Variants in ABCG1 observed in about 807,000 individuals in gnomAD.
ABCG1 encodes the protein ATP-binding cassette sub-family G member 1.
ABCG1 carries 29 observed loss-of-function variants against 69.2 expected under a neutral mutation model. The ratio of observed to expected loss-of-function variants is 0.42; its 90% confidence interval spans 0.31 to 0.57. ABCG1 has a LOEUF of 0.57. ABCG1 is among the 20% of genes least tolerant of loss of function. The pLI is 0.15. For missense variants in ABCG1, 718 were observed against 898.1 expected (o/e 0.80, Z 2.56); for synonymous variants, 370 against 374.8 (o/e 0.99, Z 0.15).
In ABCG1 at chr21:42,276,824, TGCG is replaced by T; in HGVS notation, c.538-69_538-67del. ...TGGCTAGCTGCACCGTGGCCTGCAG[TGCG>T]GGCATGAGGCTCACACTGCCAGTGG... On this transcript the variant is annotated intron_variant, in intron 4 of 14. Transcript: ENST00000398449. The surrounding 1 kb of genome is among the most constrained non-coding windows in gnomAD (Gnocchi z 5.3). 2 of 1,531,078 alleles carry T rather than the reference TGCG, an allele frequency of 1.3e-6. No individual in the cohort carries two copies. Among genetic ancestry groups the T allele is most frequent in the Non-Finnish European group, 9.0e-7 (1 of 1,107,152 alleles). The allele number at this position is 1,531,078 out of a possible 1,614,324, so 94.8% of individuals were successfully genotyped here.
intron 2 of ABCG1, among the ~76,000 whole-genome samples, chr21:42,255,368 A>G (rs2068286389): frequency 6.6e-6 from 1 of 152,100 alleles, no homozygotes. Context: ...TGTGCACATG[A>G]TGCACATGTG....
At chr21:42,216,861 T>C (rs188307810), upstream of ABCG1, among the ~76,000 whole-genome samples, 14 of 152,316 alleles carry the variant, frequency 9.2e-5, no homozygotes, top group East Asian at 2.3e-3. Context: ...TACAGTGGGA[T>C]GCTTACTCGG....
Position 42,219,887 on chromosome 21 carries a change from C to T in ABCG1, c.42+583C>T, listed in dbSNP as rs1011174626. The T allele has an allele frequency of 2.6e-6, 4 of 1,544,300 alleles. No homozygotes were observed. In the South Asian group the frequency reaches 3.6e-5, roughly 14 times the overall value. On this transcript the variant is annotated intron_variant, in intron 1 of 14. Coordinates refer to ENST00000398449, the MANE Select transcript of ABCG1 (RefSeq NM_016818.3). The surrounding 1 kb of genome is among the most constrained non-coding windows in gnomAD (Gnocchi z 5.3). ...ACTCGGGGAGGCGGCGGCGAAGGCC[C>T]GGGGAGACCCGCGAGGGGCAAGCCC...
chr21:42,222,083 G>A (rs1475838412), intron 1 of ABCG1, among the ~76,000 whole-genome samples: 1 of 152,182 alleles, frequency 6.6e-6, no homozygotes, highest in African/African-American at 2.4e-5. Flanking sequence ...AGCACAAATC[G>A]TATGTGGCCC....
rs200593379 is a variant in ABCG1, at chr21:42,273,408, G to T, written c.510G>T (p.Pro170=). The stretch of plus-strand genomic sequence containing the variant: ...TCATGCAGGATGACATGCTGCTGCC[G>T]CATCTCACTGTGCAGGAGGCCATGA... ...CYIMQDDMLL[P]HLTVQEAMMV... Residue 170 remains proline (P), a synonymous_variant, in exon 4 of 15, where the codon CCG becomes CCT. Transcript: ENST00000398449. This position sits in a 1 kb window ranked among gnomAD's most constrained non-coding sequence, Gnocchi z 5.3. 3 of 1,613,820 alleles carry T rather than the reference G, an allele frequency of 1.9e-6. No individual in the cohort carries two copies. The highest frequency in any genetic ancestry group is 1.3e-5 in the African/African-American group (1 of 75,024).
intron 2 of ABCG1, among the ~76,000 whole-genome samples, chr21:42,252,372 C>G (rs953029867): frequency 6.6e-6 from 1 of 152,056 alleles, no homozygotes; most frequent in Admixed American, 6.5e-5. Context: ...ATTAGAGCAG[C>G]GATAATCGCT....
chr21:42,212,720 T>TTTTA (rs2067600594), upstream of ABCG1, among the ~76,000 whole-genome samples: 1 of 151,800 alleles, frequency 6.6e-6, no homozygotes, highest in Admixed American at 6.6e-5. Flanking sequence ...TTTTTTTTTT[T>TTTTA]TTTTGAGACG....
chr21:42,219,452 G>A lies in ABCG1; in HGVS notation c.42+148G>A. On this transcript the variant is annotated intron_variant, in intron 1 of 14. Transcript: ENST00000398449. The surrounding 1 kb of genome is among the most constrained non-coding windows in gnomAD (Gnocchi z 5.3). ...CCAGGGCACCCTAGAGTGGCGCCCG[G>A]CTCCGATCGCTGCCCCTGCCCCTCC... is the stretch of plus-strand genomic sequence containing the variant. 8.5e-7 allele frequency: 1 copy of A among 1,173,898 alleles called. No homozygotes were observed. Among genetic ancestry groups the A allele is most frequent in the Non-Finnish European group, 1.2e-6 (1 of 868,722 alleles). 72.7% of individuals were successfully genotyped at this position (1,173,898 alleles called of 1,614,324 possible).
At chr21:42,202,869 T>C (rs369275278) in intron 2 of ABCG1, among the ~76,000 whole-genome samples, 9 of 152,280 alleles carry the variant, frequency 5.9e-5, no homozygotes, top group East Asian at 3.9e-4. Context: ...GGCCTCAGCC[T>C]CCCAAAGTGC....
chr21:42,291,047 T>G lies in ABCG1; in HGVS notation c.1394-45T>G. On this transcript the variant is annotated intron_variant, in intron 11 of 14. Coordinates refer to ENST00000398449, the MANE Select transcript of ABCG1 (RefSeq NM_016818.3). The surrounding 1 kb of genome is among the most constrained non-coding windows in gnomAD (Gnocchi z 6.4). ...CTGTTGGGATGTTAAACGGGCTCGCTGCACATGGTCACTGACCCTTCTTTT... is the reference window on the plus strand; with the variant it reads ...CTGTTGGGATGTTAAACGGGCTCGCGGCACATGGTCACTGACCCTTCTTTT... 1 of 1,481,658 alleles carries G rather than the reference T, an allele frequency of 6.7e-7. No homozygotes were observed. Among genetic ancestry groups the G allele is most frequent in the Non-Finnish European group, 9.4e-7 (1 of 1,061,906 alleles). The allele number at this position is 1,481,658 out of a possible 1,614,324, so 91.8% of individuals were successfully genotyped here.
Position 42,243,441 on chromosome 21 carries a change from TGTGCGC to T in ABCG1, c.286+17531_286+17536del, listed in dbSNP as rs769396226. On this transcript the variant is annotated intron_variant, in intron 2 of 14. Transcript: ENST00000398449. Reference sequence around the variant, plus strand: ...CAGAACCATATTTTAATACCGTGTGTGTGCGCGTGTGTGTGTGTGTGTGTGTGTGTG... The same window carrying T: ...CAGAACCATATTTTAATACCGTGTGTGTGTGTGTGTGTGTGTGTGTGTGTG... Among the ~76,000 whole-genome samples, 102 of 107,512 alleles carry T rather than the reference TGTGCGC, an allele frequency of 9.5e-4. 1 individual carries two copies. The highest frequency in any genetic ancestry group is 3.4e-3 in the African/African-American group (89 of 26,538). 70.5% of individuals were successfully genotyped at this position (107,512 alleles called of 152,430 possible).
intron 14 of ABCG1, among the ~76,000 whole-genome samples, chr21:42,295,771 A>AG (rs145283932): frequency 6.6e-6 from 1 of 152,152 alleles, no homozygotes; most frequent in African/African-American, 2.4e-5. Flanking sequence ...AGAGGGAGAG[A>AG]GGGGGCAGGA....
intron 2 of ABCG1, among the ~76,000 whole-genome samples, chr21:42,246,186 ACTGAATTCGCC>A (rs2068131944): frequency 6.6e-6 from 1 of 152,228 alleles, no homozygotes; most frequent in Non-Finnish European, 1.5e-5. Flanking sequence ...CGGTGCAGTG[ACTGAATTCGCC>A]ATCCAAACAC....
At chr21:42,274,330 T>C (rs1040900920) in intron 4 of ABCG1, among the ~76,000 whole-genome samples, 4 of 152,322 alleles carry the variant, frequency 2.6e-5, no homozygotes, top group Admixed American at 2.6e-4. Context: ...AATCCAGTAT[T>C]TGGGGAAGTT....
intron 2 of ABCG1, among the ~76,000 whole-genome samples, chr21:42,265,092 G>A (rs1024015172): frequency 4.6e-5 from 7 of 152,164 alleles, no homozygotes; most frequent in Non-Finnish European, 7.3e-5. Flanking sequence ...ATCTTTCCGA[G>A]TGCACACAGG....
rs2067810136 is a variant in ABCG1 at position 42,225,924 on chromosome 21, G to A, written c.286+10G>A. ...TGGTGGAGGAAGAAAGGTAGGGAGG[G>A]CGGCTGCTTTGTGTATCAAGCTGGG... On this transcript the variant is annotated intron_variant, in intron 2 of 14. Transcript: ENST00000398449. The A allele has an allele frequency of 1.2e-6, 2 of 1,609,288 alleles. No individual in the cohort carries two copies. Among genetic ancestry groups the A allele is most frequent in the Non-Finnish European group, 8.5e-7 (1 of 1,177,908 alleles).
At chr21:42,251,275 T>A (rs1240341796) in intron 2 of ABCG1, among the ~76,000 whole-genome samples, 5 of 152,120 alleles carry the variant, frequency 3.3e-5, no homozygotes, top group African/African-American at 7.2e-5. Context: ...GGACCTGTAT[T>A]CATGGAGGCC....
In ABCG1 at chr21:42,219,931, T is replaced by A. The variant is rs1204829033; in HGVS notation, c.42+627T>A. On this transcript the variant is annotated intron_variant, in intron 1 of 14. Coordinates refer to ENST00000398449, the MANE Select transcript of ABCG1 (RefSeq NM_016818.3). The surrounding 1 kb of genome is among the most constrained non-coding windows in gnomAD (Gnocchi z 5.3). ...CAAGCCCGGATTCCTGCCGGCCGCC[T>A]TTCTGCGCGCGCCGGAGAGAGAGAC... 2.6e-6 allele frequency: 4 copies of A among 1,550,740 alleles called. No homozygotes were observed. The highest frequency in any genetic ancestry group is 3.5e-6 in the Non-Finnish European group (4 of 1,146,704).
In ABCG1 at chr21:42,284,668, C is replaced by T. The variant is rs368376675; in HGVS notation, c.843C>T (p.Phe281=). 1.1e-4 allele frequency: 175 copies of T among 1,613,508 alleles called. No individual in the cohort carries two copies. Among genetic ancestry groups the T allele is most frequent in the Non-Finnish European group, 1.4e-4 (165 of 1,180,016 alleles). The change falls in exon 7 of 15, where the codon TTC becomes TTT. Residue 281 remains phenylalanine, a synonymous_variant. Coordinates refer to ENST00000398449, the MANE Select transcript of ABCG1 (RefSeq NM_016818.3). ...CTIHQPSAKL[F]ELFDQLYVLS... ...TCCACCAGCCCAGCGCCAAACTCTTCGAGCTGTTCGACCAGGTACGCGGGC... is the reference window on the plus strand; with the variant it reads ...TCCACCAGCCCAGCGCCAAACTCTTTGAGCTGTTCGACCAGGTACGCGGGC...
Sources: gnomAD v4.1 joint callset for allele counts (sites outside exome capture counted in the v4.1 genomes callset) on GRCh38, gnomAD v4.1.1 for gene constraint, Gnocchi (gnomAD v3.1) non-coding constraint, MANE v1.5 for transcripts, NCBI Gene and HGNC (gene_info 2026-07-23, HGNC 2026-07-21) for gene names.